The following CERS6 variants were observed in gnomAD, a reference collection of about 807,000 sequenced individuals.
CERS6 encodes the protein ceramide synthase 6, also known as LAG1 homolog, ceramide synthase 6.
In CERS6, 26 loss-of-function variants were observed where a neutral mutation model predicts 56.8. The ratio of observed to expected loss-of-function variants is 0.46; its 90% CI spans 0.34 to 0.63. The LOEUF (loss-of-function observed/expected upper bound fraction) is 0.63. CERS6 is among the 30% of genes least tolerant of loss of function. The pLI is 0.01. For synonymous variants in CERS6, 164 were observed against 173.3 expected (o/e 0.95, Z 0.42); for missense variants, 415 against 467.5 (o/e 0.89, Z 1.04).
chr2:168,611,191 G>GA (rs1203363385), intron 3 of CERS6, among the ~76,000 whole-genome samples: 1 of 152,102 alleles, frequency 6.6e-6, no homozygotes. Context: ...AGCTTTCTGT[G>GA]AAAAAATGGG....
rs142471969 is a variant in CERS6, at chr2:168,709,533, A to G, written c.610-5468A>G. On this transcript the variant is annotated intron_variant, in intron 6 of 9. Coordinates refer to ENST00000305747, the MANE Select transcript of CERS6 (RefSeq NM_203463.3). ...CTTGATAATGGCTGTGAGTATGTCC[A>G]GAAACAATATGGTAGAATAGCAGGA... 2.5e-3 allele frequency among the ~76,000 whole-genome samples: 380 copies of G among 152,260 alleles called. 1 individual carries two copies. The highest frequency in any genetic ancestry group is 8.6e-3 in the African/African-American group (356 of 41,572).
intron 1 of CERS6, among the ~76,000 whole-genome samples, chr2:168,476,733 G>A (rs767354027): frequency 6.6e-6 from 1 of 152,078 alleles, no homozygotes; most frequent in Non-Finnish European, 1.5e-5. Context: ...AGAAGAGTGT[G>A]TGCTAGCTCC....
chr2:168,511,690 C>T (rs1214446651), intron 1 of CERS6, among the ~76,000 whole-genome samples: 1 of 152,112 alleles, frequency 6.6e-6, no homozygotes, highest in Non-Finnish European at 1.5e-5. Flanking sequence ...TTTGTTGGAA[C>T]TTCTCAATTA....
intron 3 of CERS6, among the ~76,000 whole-genome samples, chr2:168,581,258 A>T (rs563510687): frequency 1.3e-4 from 20 of 152,274 alleles, no homozygotes; most frequent in Admixed American, 1.2e-3. Context: ...ACCTGTAGTG[A>T]TCCACCTGCT....
intron 3 of CERS6, among the ~76,000 whole-genome samples, chr2:168,600,618 ATC>A (rs974269516): frequency 5.3e-5 from 8 of 152,176 alleles, no homozygotes; most frequent in African/African-American, 1.9e-4. Context: ...ACCCCTTGGC[ATC>A]TCACTCACTC....
At chr2:168,548,424 A>G (rs1009575705) in intron 2 of CERS6, among the ~76,000 whole-genome samples, 1 of 152,174 alleles carries the variant, frequency 6.6e-6, no homozygotes, top group Non-Finnish European at 1.5e-5. Context: ...GAAGTCAGAA[A>G]CCCTCAGTTG....
rs562069956 is a variant in CERS6 at position 168,633,355 on chromosome 2, T to G, written c.465+2313T>G. ...ATACATAGAATTCATCTGACTGAAA[T>G]AGCTTTGGAGGACTTCATAAGCCAT... On this transcript the variant is annotated intron_variant, in intron 4 of 9. Transcript: ENST00000305747. Among the ~76,000 whole-genome samples the G allele has an allele frequency of 8.5e-5, 13 of 152,258 alleles. No individual in the cohort carries two copies. In the South Asian group the frequency reaches 1.2e-3, roughly 15 times the overall value.
At chr2:168,616,223 C>T (rs1040598780) in intron 3 of CERS6, among the ~76,000 whole-genome samples, 1 of 152,036 alleles carries the variant, frequency 6.6e-6, no homozygotes. Context: ...AAAAGGAGCT[C>T]TAAATTTTGA....
chr2:168,493,455 C>T (rs1289211968), intron 1 of CERS6, among the ~76,000 whole-genome samples: 2 of 152,168 alleles, frequency 1.3e-5, no homozygotes, highest in East Asian at 3.9e-4. Context: ...GAAGCTGAGG[C>T]AGTCTGAGTC....
chr2:168,750,895 A>T (rs1684247874), intron 8 of CERS6, among the ~76,000 whole-genome samples: 1 of 152,216 alleles, frequency 6.6e-6, no homozygotes, highest in Non-Finnish European at 1.5e-5. Context: ...TTTGAGGTTC[A>T]CTATTATGTA....
At chr2:168,710,272 G>C (rs1289272718) in intron 6 of CERS6, among the ~76,000 whole-genome samples, 1 of 152,134 alleles carries the variant, frequency 6.6e-6, no homozygotes, top group African/African-American at 2.4e-5. Context: ...TCCTCCATAA[G>C]TGTTTTAATC....
intron 8 of CERS6, among the ~76,000 whole-genome samples, chr2:168,755,782 G>A (rs1684399635): frequency 6.6e-6 from 1 of 152,134 alleles, no homozygotes; most frequent in South Asian, 2.1e-4. Flanking sequence ...ACTTGTCAGT[G>A]GAGTCCCTCA....
chr2:168,547,480 TGAAATCCTACCAACACTTTATTG>T, intron 1 of CERS6, 93 bp from the exon 2 acceptor site: 1 of 629,332 alleles, frequency 1.6e-6, no homozygotes, highest in Non-Finnish European at 2.8e-6. Context: ...TGTACACCCA[TGAAATCCTACCAACACTTTATTG>T]GGATAATTGA....
At chr2:168,547,742 A>C (rs1032190306) in intron 2 of CERS6, 41 bp downstream of exon 2, 2 of 1,332,768 alleles carry the variant, frequency 1.5e-6, no homozygotes, top group African/African-American at 1.4e-5. Context: ...GTCCCCGGTC[A>C]CCATTCTCAG....
chr2:168,476,036 G>C (rs985077602), intron 1 of CERS6, among the ~76,000 whole-genome samples: 1 of 152,074 alleles, frequency 6.6e-6, no homozygotes, highest in Non-Finnish European at 1.5e-5. Context: ...ATAGATGAAG[G>C]GTTCAAAATT....
intron 3 of CERS6, among the ~76,000 whole-genome samples, chr2:168,587,887 G>A (rs1559010039): frequency 6.6e-6 from 1 of 151,802 alleles, no homozygotes; most frequent in Non-Finnish European, 1.5e-5. Context: ...AAAATTTATT[G>A]CGCTCCTGCT....
At position 168,695,026 on chromosome 2, in the gene CERS6, C is replaced by T. The variant is rs1686608599; in HGVS notation, c.584C>T (p.Ser195Phe). 3.7e-6 allele frequency: 6 copies of T among 1,613,020 alleles called. No individual in the cohort carries two copies. The East Asian group carries it at 1.3e-4, about 36-fold the overall frequency. Residue 195 changes from serine (S) to phenylalanine (F), a missense_variant, in exon 6 of 10, where the codon TCT becomes TTT. By Grantham distance (155) the Ser-to-Phe change is radical. Coordinates refer to ENST00000305747, the MANE Select transcript of CERS6 (RefSeq NM_203463.3). ...TCGTTTTATTGGTCTTTGATGTTTT[C>T]TCAGTTCACTGATATCAAAAGAAAG... ...ELSFYWSLMF[S>F]QFTDIKRKDF... is the part of the protein sequence containing the mutation.
intron 1 of CERS6, among the ~76,000 whole-genome samples, chr2:168,536,793 A>C (rs934818422): frequency 1.3e-5 from 2 of 152,256 alleles, no homozygotes; most frequent in Admixed American, 1.3e-4. Context: ...AAATGTTCAA[A>C]TGTTAATAAT....
chr2:168,456,484 G>A lies in CERS6; in HGVS notation c.36G>A (p.Arg12=), dbSNP rs1415954322. ...TCTTAGCCTGGTTCTGGAACGAGAG[G>A]TTTTGGCTCCCGCACAATGTCACCT... The part of the protein sequence containing the change: ...AGILAWFWNE[R]FWLPHNVTWA... The change falls in exon 1 of 10, where the codon AGG becomes AGA. Residue 12 remains arginine (R), a synonymous_variant. Coordinates refer to ENST00000305747, the MANE Select transcript of CERS6 (RefSeq NM_203463.3). The surrounding 1 kb of genome is among the most constrained non-coding windows in gnomAD (Gnocchi z 4.1). 2.5e-6 allele frequency: 4 copies of A among 1,613,952 alleles called. No individual in the cohort carries two copies. The highest frequency in any genetic ancestry group is 1.3e-5 in the African/African-American group (1 of 75,030).
Sources: gnomAD v4.1 joint callset for allele counts (sites outside exome capture counted in the v4.1 genomes callset) on GRCh38, gnomAD v4.1.1 for gene constraint, Gnocchi (gnomAD v3.1) non-coding constraint, MANE v1.5 for transcripts, NCBI Gene and HGNC (gene_info 2026-07-23, HGNC 2026-07-21) for gene names.